The following FRMD4B variants were observed in gnomAD, a reference collection of about 807,000 sequenced individuals.
FRMD4B encodes the protein FERM domain containing 4B.
FRMD4B carries 74 observed loss-of-function variants against 141.5 expected under a neutral mutation model. The observed-to-expected ratio is 0.52, with a 90% CI of 0.43 to 0.63. The LOEUF is 0.63. Ranked by LOEUF, FRMD4B falls within the 30% of genes least tolerant of loss-of-function variation. The pLI is 0.00. For missense variants in FRMD4B, 1,366 were observed against 1,253.4 expected, an observed-to-expected ratio of 1.09 and a Z score of -1.36; for synonymous variants, 506 against 467.9, an observed-to-expected ratio of 1.08 and a Z score of -1.05.
chr3:69,462,677 A>G (rs1705724069), intron 1 of FRMD4B, among the ~76,000 whole-genome samples: 1 of 152,190 alleles, frequency 6.6e-6, no homozygotes, highest in Non-Finnish European at 1.5e-5. Flanking sequence ...ATCACCCAAT[A>G]TCTGTGCACT....
In FRMD4B at chr3:69,330,054, T is replaced by C. The variant is rs111517995; in HGVS notation, c.163-16537A>G. ...TCTGTGTCATTTGCCTTTCCAGCTC[T>C]TTTGCCACTGGAATGTAAGTTCCAC... On this transcript the variant is annotated intron_variant, in intron 1 of 22. Coordinates refer to ENST00000398540, the MANE Select transcript of FRMD4B (RefSeq NM_015123.3). 4.6e-3 allele frequency among the ~76,000 whole-genome samples: 697 copies of C among 152,254 alleles called. 7 individuals are homozygous for C. Among genetic ancestry groups the C allele is most frequent in the African/African-American group, 0.016 (649 of 41,534 alleles).
chr3:69,196,256 TGAG>T lies in FRMD4B; in HGVS notation c.1230_1232del (p.Ser411del). 6.3e-7 allele frequency: 1 copy of T among 1,599,560 alleles called. No homozygotes were observed. The highest frequency in any genetic ancestry group is 8.5e-7 in the Non-Finnish European group (1 of 1,175,670). On this transcript the variant is annotated inframe_deletion and splice_region_variant, in exon 14 of 23. Coordinates refer to ENST00000398540, the MANE Select transcript of FRMD4B (RefSeq NM_015123.3). Reference sequence around the variant, plus strand: ...CGTTCTCTAATCCCAAGATGTTACCTGAGGAGATTAAACTGCCATTACTTGCCA... The same window carrying T: ...CGTTCTCTAATCCCAAGATGTTACCTGAGATTAAACTGCCATTACTTGCCA...
At chr3:69,234,629 T>A (rs552642667) in intron 7 of FRMD4B, among the ~76,000 whole-genome samples, 13 of 152,328 alleles carry the variant, frequency 8.5e-5, no homozygotes, top group African/African-American at 3.1e-4. Flanking sequence ...CTCTACTGAT[T>A]CCTAGGTAAA....
intron 5 of FRMD4B, 108 bp downstream of exon 5, chr3:69,287,644 C>CTT (rs375818222): frequency 2.3e-4 from 122 of 533,142 alleles, no homozygotes; most frequent in South Asian, 3.7e-4. Flanking sequence ...AGATTGTGGC[C>CTT]TTTTTTTTTT....
At position 69,187,891 on chromosome 3, in the gene FRMD4B, GC is replaced by G; in HGVS notation, c.1797del (p.Gln600SerfsTer144). 6.3e-7 allele frequency: 1 copy of G among 1,596,174 alleles called. No homozygotes were observed. The part of the protein sequence containing the change: ...DDPSDAFTFP[G>X]QRSSSVPHSP... The stretch of plus-strand genomic sequence containing the variant: ...GAATGAGGTACTGAACTTGATCGCT[GC>G]CCAGGAAAAGTGAAGGCATCACTGG... On this transcript the variant is annotated frameshift_variant, in exon 19 of 23. Coordinates refer to ENST00000398540, the MANE Select transcript of FRMD4B (RefSeq NM_015123.3). LOFTEE classifies it high-confidence loss of function.
intron 7 of FRMD4B, among the ~76,000 whole-genome samples, chr3:69,238,953 T>C (rs564076863): frequency 1.3e-5 from 2 of 152,346 alleles, no homozygotes; most frequent in East Asian, 3.9e-4. Flanking sequence ...AGATTTAATA[T>C]ATTGGACATA....
At chr3:69,410,811 T>A (rs1278581459) in intron 2 of FRMD4B, among the ~76,000 whole-genome samples, 1 of 148,002 alleles carries the variant, frequency 6.8e-6, no homozygotes, top group African/African-American at 2.5e-5. Flanking sequence ...CAGGCTGGAA[T>A]CTGGAGGTAT....
At chr3:69,417,160 T>G (rs919457515) in intron 2 of FRMD4B, among the ~76,000 whole-genome samples, 2 of 152,174 alleles carry the variant, frequency 1.3e-5, no homozygotes, top group Non-Finnish European at 2.9e-5. Context: ...TAATTTGCAT[T>G]CCCACCAACA....
Position 69,246,428 on chromosome 3 carries a change from C to A in FRMD4B, c.581+2798G>T, listed in dbSNP as rs369744389. ...TAAGATCATGCCACTGCACACCAGCCTGGGTGAGAGAACAATGCTCTATCT... is the reference window on the plus strand; with the variant it reads ...TAAGATCATGCCACTGCACACCAGCATGGGTGAGAGAACAATGCTCTATCT... On this transcript the variant is annotated intron_variant, in intron 7 of 22. Coordinates refer to ENST00000398540, the MANE Select transcript of FRMD4B (RefSeq NM_015123.3). Among the ~76,000 whole-genome samples, 9 of 152,222 alleles carry A rather than the reference C, an allele frequency of 5.9e-5. No homozygotes were observed. In the East Asian group the frequency reaches 1.7e-3, roughly 29 times the overall value.
At chr3:69,318,117 A>C (rs1172941451) in intron 1 of FRMD4B, among the ~76,000 whole-genome samples, 1 of 152,078 alleles carries the variant, frequency 6.6e-6, no homozygotes, top group East Asian at 1.9e-4. Flanking sequence ...GACTATGGGT[A>C]CATGCCATCA....
intron 2 of FRMD4B, among the ~76,000 whole-genome samples, chr3:69,422,702 T>C (rs1021079173): frequency 6.6e-6 from 1 of 152,198 alleles, no homozygotes; most frequent in Non-Finnish European, 1.5e-5. Flanking sequence ...TTTGTTCCAA[T>C]AAAACTTTAT....
In FRMD4B at chr3:69,332,742, ATTTTTTTTT is replaced by A. The variant is rs58437578; in HGVS notation, c.163-19234_163-19226del. Reference sequence around the variant, plus strand: ...CAGGTGTGCACCACCACACCTGGCTATTTTTTTTTTTTTTTTTTTTTTTTTTGTAGAGAT... The same window carrying A: ...CAGGTGTGCACCACCACACCTGGCTATTTTTTTTTTTTTTTTTGTAGAGAT... On this transcript the variant is annotated intron_variant, in intron 1 of 22. Transcript: ENST00000398540. Among the ~76,000 whole-genome samples the A allele has an allele frequency of 7.4e-3, 503 of 67,580 alleles. 2 individuals carry two copies. Among genetic ancestry groups the A allele is most frequent in the African/African-American group, 0.027 (435 of 16,024 alleles). The allele number at this position is 67,580 out of a possible 152,430, so 44.3% of individuals were successfully genotyped here.
rs774316609 is a variant in FRMD4B, at chr3:69,427,643, G to GTTTTTTTTTTTTTTTTT, written c.-1+4974_-1+4990dup. Reference sequence around the variant, plus strand: ...GTGTTTAGTAAGAAGCTAGGTAAATGTTTTTTTTTTTTTTTTTTTTTTTTT... The same window carrying GTTTTTTTTTTTTTTTTT: ...GTGTTTAGTAAGAAGCTAGGTAAATGTTTTTTTTTTTTTTTTTTTTTTTTTTTTTTTTTTTTTTTTTT... On this transcript the variant is annotated intron_variant, in intron 2 of 5. Transcript: ENST00000459638. Among the ~76,000 whole-genome samples the GTTTTTTTTTTTTTTTTT allele has an allele frequency of 2.4e-3, 87 of 36,238 alleles. 20 individuals are homozygous for GTTTTTTTTTTTTTTTTT. Among genetic ancestry groups the GTTTTTTTTTTTTTTTTT allele is most frequent in the East Asian group, 6.3e-3 (5 of 796 alleles). The allele number at this position is 36,238 out of a possible 152,430, so 23.8% of individuals were successfully genotyped here. A position where few individuals can be genotyped will look rare whatever the true frequency, so the allele number is the denominator to read the frequency against.
intron 1 of FRMD4B, among the ~76,000 whole-genome samples, chr3:69,463,679 C>T (rs941401774): frequency 6.6e-5 from 10 of 152,202 alleles, no homozygotes; most frequent in Admixed American, 6.5e-4. Flanking sequence ...CATCTGCCTC[C>T]AAGTCTTATG....
chr3:69,342,615 G>A (rs1029827312), intron 1 of FRMD4B, among the ~76,000 whole-genome samples: 1 of 152,192 alleles, frequency 6.6e-6, no homozygotes, highest in Non-Finnish European at 1.5e-5. Flanking sequence ...TTCAGTGCCA[G>A]ATGCTAGCTC....
chr3:69,474,120 C>A (rs1236615928), intron 1 of FRMD4B, among the ~76,000 whole-genome samples: 1 of 152,212 alleles, frequency 6.6e-6, no homozygotes, highest in Non-Finnish European at 1.5e-5. Flanking sequence ...ATTACTTGCT[C>A]TCCTCTATTT....
At chr3:69,289,392 T>C (rs1700800525) in intron 4 of FRMD4B, among the ~76,000 whole-genome samples, 1 of 152,166 alleles carries the variant, frequency 6.6e-6, no homozygotes, top group Non-Finnish European at 1.5e-5. Context: ...CTTCCCTCCT[T>C]GAGCTATGTA....
At chr3:69,461,557 G>C (rs894826692) in intron 1 of FRMD4B, among the ~76,000 whole-genome samples, 3 of 139,414 alleles carry the variant, frequency 2.2e-5, no homozygotes, top group Non-Finnish European at 4.6e-5. Context: ...CTAGGAGTTT[G>C]AGGCCATAGT....
intron 1 of FRMD4B, among the ~76,000 whole-genome samples, chr3:69,381,242 C>T (rs1441045956): frequency 2.0e-5 from 3 of 152,298 alleles, no homozygotes; most frequent in Admixed American, 2.0e-4. Flanking sequence ...ACTTGCTTCT[C>T]CAATATCTAG....
Sources: allele counts gnomAD v4.1 joint callset (sites outside exome capture counted in the v4.1 genomes callset), GRCh38; gene constraint gnomAD v4.1.1; transcripts MANE v1.5; gene names NCBI Gene and HGNC (gene_info 2026-07-23, HGNC 2026-07-21).